PRELID2: variants seen among roughly 807,000 people sequenced by gnomAD.
PRELID2 encodes PRELI domain-containing protein 2.
In PRELID2, 25 loss-of-function variants were observed where a neutral mutation model predicts 28.4. The ratio of observed to expected loss-of-function variants is 0.88; its 90% CI spans 0.64 to 1.23. The LOEUF (loss-of-function observed/expected upper bound fraction) is 1.23. Ranked by LOEUF, PRELID2 falls within the 50% of genes most tolerant of loss-of-function variation. The pLI is 0.00. For synonymous variants in PRELID2, 76 were observed against 71.6 expected, an observed-to-expected ratio of 1.06 and a Z score of -0.31; for missense variants, 201 against 214.4, an observed-to-expected ratio of 0.94 and a Z score of 0.39.
intron 1 of PRELID2, among the ~76,000 whole-genome samples, chr5:145,635,392 A>G (rs983362531): frequency 2.3e-4 from 35 of 152,238 alleles, no homozygotes; most frequent in African/African-American, 8.4e-4. Flanking sequence ...GGATTAAATA[A>G]TAGCAATAAT....
intron 1 of PRELID2, 100 bp downstream of exon 1, chr5:145,835,077 G>A (rs1176675759): frequency 2.5e-6 from 2 of 786,278 alleles, no homozygotes; most frequent in African/African-American, 3.5e-5. Flanking sequence ...CAGCTGGAAA[G>A]AGACACTGGC....
chr5:145,461,795 T>C, the PRELID2 span, among the ~76,000 whole-genome samples: 1 of 152,204 alleles, frequency 6.6e-6, no homozygotes, highest in Non-Finnish European at 1.5e-5. Context: ...AAGGAATGGA[T>C]GCAAATGATA....
At chr5:145,311,070 A>G in the PRELID2 span, among the ~76,000 whole-genome samples, 1 of 152,216 alleles carries the variant, frequency 6.6e-6, no homozygotes, top group African/African-American at 2.4e-5. Flanking sequence ...GCCAGATGAC[A>G]AGAAGGTGAC....
intron 1 of PRELID2, among the ~76,000 whole-genome samples, chr5:145,546,912 T>C (rs983937293): frequency 2.0e-5 from 3 of 152,196 alleles, no homozygotes; most frequent in Admixed American, 1.3e-4. Flanking sequence ...AGTTTTGTGA[T>C]CTGGAGCAAG....
chr5:145,759,323 G>T lies in PRELID2; in HGVS notation c.*1213C>A, dbSNP rs182939255. ...GCCCTGATTTTTATCTTAAGAAGAT[G>T]AATTTCAAATTATTACCTCTCTTCA... On this transcript the variant is annotated 3_prime_UTR_variant, in exon 7 of 7. Coordinates refer to ENST00000683046, the MANE Select transcript of PRELID2 (RefSeq NM_205846.3). The T allele has an allele frequency of 4.6e-5, 7 of 152,162 alleles. No homozygotes were observed. The highest frequency in any genetic ancestry group is 1.3e-4 in the Admixed American group (2 of 15,268). 9.4% of individuals were successfully genotyped at this position (152,162 alleles called of 1,614,324 possible).
intron 1 of PRELID2, among the ~76,000 whole-genome samples, chr5:145,680,101 A>T (rs932604769): frequency 6.6e-6 from 1 of 152,184 alleles, no homozygotes; most frequent in Non-Finnish European, 1.5e-5. Context: ...TCGTGAGCTA[A>T]CTCCACCTGA....
At position 145,596,219 on chromosome 5, in the gene PRELID2, A is replaced by C. The variant is rs141122504; in HGVS notation, n.71-122904T>G. ...GAGAACTTATGTTAATATACTCAAA[A>C]GATTTAAATTACTTAATGACTTTAT... On this transcript the variant is annotated intron_variant and non_coding_transcript_variant, in intron 1 of 2. Coordinates refer to the PRELID2 transcript ENST00000510259. Among the ~76,000 whole-genome samples the C allele has an allele frequency of 1.3e-3, 193 of 152,220 alleles. 2 individuals are homozygous for C. The highest frequency in any genetic ancestry group is 4.6e-3 in the African/African-American group (189 of 41,528).
the PRELID2 span, among the ~76,000 whole-genome samples, chr5:145,415,566 T>C: frequency 6.6e-6 from 1 of 151,034 alleles, no homozygotes; most frequent in Non-Finnish European, 1.5e-5. Context: ...TTACTGAGAA[T>C]GATGATTTCC....
the PRELID2 span, among the ~76,000 whole-genome samples, chr5:145,263,782 G>A: frequency 6.6e-6 from 1 of 151,376 alleles, no homozygotes; most frequent in African/African-American, 2.4e-5. Context: ...TCTAGATTAA[G>A]TCAGGAAACA....
chr5:145,356,422 T>A, the PRELID2 span, among the ~76,000 whole-genome samples: 1 of 152,134 alleles, frequency 6.6e-6, no homozygotes, highest in African/African-American at 2.4e-5. Flanking sequence ...TATAGGTCTC[T>A]AAGAATTTGC....
the PRELID2 span, among the ~76,000 whole-genome samples, chr5:145,343,200 CCAATGA>C: frequency 1.3e-5 from 2 of 151,962 alleles, no homozygotes; most frequent in African/African-American, 2.4e-5. Context: ...AACATTCTAT[CCAATGA>C]CTGCAGAGTA....
chr5:145,369,997 T>G, the PRELID2 span, among the ~76,000 whole-genome samples: 1 of 151,696 alleles, frequency 6.6e-6, no homozygotes, highest in Non-Finnish European at 1.5e-5. Flanking sequence ...GTAAATTATC[T>G]TTTCTTGTAA....
chr5:145,246,541 TTTCCTTCCTTCC>T, the PRELID2 span, among the ~76,000 whole-genome samples: 1 of 151,684 alleles, frequency 6.6e-6, no homozygotes, highest in African/African-American at 2.4e-5. Context: ...AATTATATTC[TTTCCTTCCTTCC>T]TTCCTTCCTT....
At chr5:145,538,269 T>C (rs1752718710) in intron 1 of PRELID2, among the ~76,000 whole-genome samples, 1 of 151,932 alleles carries the variant, frequency 6.6e-6, no homozygotes, top group South Asian at 2.1e-4. Context: ...TATTCTAAAG[T>C]CAATTCGTGT....
chr5:145,285,396 C>T, the PRELID2 span, among the ~76,000 whole-genome samples: 4 of 152,062 alleles, frequency 2.6e-5, no homozygotes, highest in Admixed American at 2.0e-4. Context: ...GAAGCTCCCC[C>T]GCTCCGCCCA....
intron 1 of PRELID2, among the ~76,000 whole-genome samples, chr5:145,553,883 C>A (rs968449619): frequency 1.2e-4 from 19 of 152,048 alleles, no homozygotes; most frequent in African/African-American, 4.6e-4. Context: ...AGGATGCAGC[C>A]TGAATCAGGA....
intron 1 of PRELID2, among the ~76,000 whole-genome samples, chr5:145,506,672 C>T (rs957234097): frequency 7.9e-5 from 12 of 152,102 alleles, no homozygotes; most frequent in African/African-American, 2.9e-4. Flanking sequence ...GACACTCTGC[C>T]CACAATGGGA....
intron 1 of PRELID2, among the ~76,000 whole-genome samples, chr5:145,831,604 T>C (rs1199037916): frequency 6.6e-6 from 1 of 152,216 alleles, no homozygotes; most frequent in Non-Finnish European, 1.5e-5. Context: ...AATAGTCACA[T>C]AGTTCCTCCC....
chr5:145,740,539 C>T lies in PRELID2; in HGVS notation n.70+24392G>A, dbSNP rs1168430541. On this transcript the variant is annotated intron_variant and non_coding_transcript_variant, in intron 1 of 2. Transcript: ENST00000510259. ...AACTAGCATTTATAAAACATTTTAC[C>T]CAACAACATGAGAATATTCAAGTAC... Among the ~76,000 whole-genome samples the T allele has an allele frequency of 1.7e-4, 18 of 106,684 alleles. 1 individual carries two copies. 70.0% of individuals were successfully genotyped at this position (106,684 alleles called of 152,430 possible).
Sources: allele counts gnomAD v4.1 joint callset (sites outside exome capture counted in the v4.1 genomes callset), GRCh38; gene constraint gnomAD v4.1.1; transcripts MANE v1.5; gene names NCBI Gene and HGNC (gene_info 2026-07-23, HGNC 2026-07-21).